SETDB2: variants seen among roughly 807,000 people sequenced by gnomAD.
SETDB2 encodes histone-lysine N-methyltransferase SETDB2.
In SETDB2, 56 loss-of-function variants were observed where a neutral mutation model predicts 82.5. That is an observed-to-expected ratio of 0.68 (90% confidence interval 0.55 to 0.85). The LOEUF is 0.85. Ranked by LOEUF, SETDB2 falls within the 40% of genes least tolerant of loss-of-function variation. The probability of loss-of-function intolerance (pLI) is 0.00; values close to 1 mark genes in which losing one functional copy is unlikely to be tolerated. For synonymous variants in SETDB2, 272 were observed against 284.9 expected (o/e 0.95, Z 0.46); for missense variants, 677 against 816.4 (o/e 0.83, Z 2.08).
chr13:49,446,667 G>C (rs1957696477), intron 1 of SETDB2, among the ~76,000 whole-genome samples: 1 of 152,094 alleles, frequency 6.6e-6, no homozygotes, highest in Non-Finnish European at 1.5e-5. Context: ...TAGTGTTCCA[G>C]TGTATGACTG....
chr13:49,488,574 G>C lies in SETDB2; in HGVS notation c.1861G>C (p.Gly621Arg), dbSNP rs765968103. ...SSDSLTKFNKGNVFLLDATKE... is the reference protein window; with the variant it reads ...SSDSLTKFNKRNVFLLDATKE... ...TGATTCTCTAACAAAGTTCAATAAA[G>C]GGAATGTGTTTTTATTGGATGCCAC... Residue 621 changes from glycine to arginine, a missense_variant, in exon 12 of 14, where the codon GGG (glycine) becomes CGG (arginine). Around this residue, in one of 3 missense-constraint regions of SETDB2, gnomAD observed 420 missense variants for 554.6 expected, o/e 0.76. Transcript: ENST00000611815. 15 of 1,611,038 alleles carry C rather than the reference G, an allele frequency of 9.3e-6. No homozygotes were observed. The highest frequency in any genetic ancestry group is 1.3e-5 in the Non-Finnish European group (15 of 1,179,044).
chr13:49,480,133 T>C, intron 6 of SETDB2, 86 bp from the exon 7 acceptor site: 1 of 821,950 alleles, frequency 1.2e-6, no homozygotes, highest in South Asian at 1.8e-5. Flanking sequence ...CATCTTTTAT[T>C]ACATCATTTA....
At chr13:49,491,638 G>C in intron 13 of SETDB2, 94 bp from the exon 14 acceptor site, 1 of 815,944 alleles carries the variant, frequency 1.2e-6, no homozygotes, top group Non-Finnish European at 2.1e-6. Context: ...ATATTTTTGA[G>C]GATGGTTAAT....
Position 49,476,902 on chromosome 13 carries a change from T to C in SETDB2, c.732T>C (p.Ser244=), listed in dbSNP as rs1386557117. 3 of 1,614,232 alleles carry C rather than the reference T, an allele frequency of 1.9e-6. No homozygotes were observed. The highest frequency in any genetic ancestry group is 2.5e-6 in the Non-Finnish European group (3 of 1,180,044). ...ATGGAGTGGAATCAGTGCCCATTTC[T>C]TTCTGTAATGAAATTGACAGTAGAA... ...ISNGVESVPI[S]FCNEIDSRKL... Residue 244 remains serine, a synonymous_variant, in exon 6 of 14, where the codon TCT becomes TCC. Coordinates refer to ENST00000611815, the MANE Select transcript of SETDB2 (RefSeq NM_001160308.3).
At chr13:49,471,934 ATTTTT>A (rs35468680) in intron 5 of SETDB2, among the ~76,000 whole-genome samples, 31 of 119,218 alleles carry the variant, frequency 2.6e-4, no homozygotes, top group Non-Finnish European at 3.1e-4. Context: ...ATATATATAT[ATTTTT>A]TTTTTTTTTT....
chr13:49,445,305 T>TA (rs1254385760), intron 1 of SETDB2, among the ~76,000 whole-genome samples: 1 of 152,226 alleles, frequency 6.6e-6, no homozygotes, highest in Non-Finnish European at 1.5e-5. Context: ...GTTCTGTCGT[T>TA]ACAATTAAAA....
intron 6 of SETDB2, among the ~76,000 whole-genome samples, chr13:49,477,508 A>AC (rs1566170017): frequency 6.6e-6 from 1 of 152,168 alleles, no homozygotes; most frequent in East Asian, 1.9e-4. Context: ...AGGAAAAAAA[A>AC]CCTCTAATTA....
chr13:49,490,500 C>T (rs1393481502), intron 12 of SETDB2, among the ~76,000 whole-genome samples: 1 of 152,090 alleles, frequency 6.6e-6, no homozygotes, highest in East Asian at 1.9e-4. Context: ...GAAACATATA[C>T]AGATGAATCT....
chr13:49,478,239 T>C (rs1484947100), intron 6 of SETDB2, among the ~76,000 whole-genome samples: 1 of 152,206 alleles, frequency 6.6e-6, no homozygotes, highest in East Asian at 1.9e-4. Context: ...TTTAAAAATA[T>C]GTATTTTATT....
chr13:49,481,448 C>A (rs899662620), intron 8 of SETDB2, among the ~76,000 whole-genome samples: 1 of 151,364 alleles, frequency 6.6e-6, no homozygotes, highest in African/African-American at 2.4e-5. Flanking sequence ...AAAAAAAAAA[C>A]TAAATGACTG....
Position 49,491,797 on chromosome 13 carries a change from A to C in SETDB2, c.2072A>C (p.Lys691Thr). 6.2e-7 allele frequency: 1 copy of C among 1,613,400 alleles called. No homozygotes were observed. Reference protein sequence around the residue: ...YGYEAGTVPEKEIFCQCGVNK... With the variant: ...YGYEAGTVPETEIFCQCGVNK... The stretch of plus-strand genomic sequence containing the variant: ...TATGAAGCTGGGACTGTGCCTGAGA[A>C]GGAAATCTTCTGCCAATGTGGGGTT... Residue 691 changes from lysine (K) to threonine (T), a missense_variant, in exon 14 of 14, where the codon AAG becomes ACG. Physicochemically the swap from Lys to Thr is moderately conservative, Grantham distance 78. Coordinates refer to ENST00000611815, the MANE Select transcript of SETDB2 (RefSeq NM_001160308.3).
At chr13:49,471,913 C>CATATATATAT (rs1232849321) in intron 5 of SETDB2, among the ~76,000 whole-genome samples, 16 of 107,712 alleles carry the variant, frequency 1.5e-4, no homozygotes, top group South Asian at 6.8e-4. Flanking sequence ...TCTCATGTGA[C>CATATATATAT]ATATATATAT....
At chr13:49,475,240 C>G (rs577531533) in intron 5 of SETDB2, among the ~76,000 whole-genome samples, 1 of 152,078 alleles carries the variant, frequency 6.6e-6, no homozygotes, top group Non-Finnish European at 1.5e-5. Flanking sequence ...GAGAACAGCA[C>G]GGGAAAGACC....
At chr13:49,453,036 C>G (rs748400940) in intron 2 of SETDB2, among the ~76,000 whole-genome samples, 3 of 152,022 alleles carry the variant, frequency 2.0e-5, no homozygotes, top group Non-Finnish European at 2.9e-5. Flanking sequence ...TATAGGTAGC[C>G]CACAGTTAAG....
At chr13:49,483,151 A>C (rs2057414) in intron 9 of SETDB2, among the ~76,000 whole-genome samples, 189 bp downstream of exon 9, 2 of 151,976 alleles carry the variant, frequency 1.3e-5, no homozygotes, top group Non-Finnish European at 2.9e-5. Flanking sequence ...TCAGTGTTCC[A>C]GTTTTGGAAT....
At chr13:49,477,990 C>T (rs1958404518) in intron 6 of SETDB2, among the ~76,000 whole-genome samples, 2 of 152,100 alleles carry the variant, frequency 1.3e-5, no homozygotes, top group African/African-American at 4.8e-5. Context: ...CGTAGGTATA[C>T]AGATGTAGAG....
chr13:49,460,344 A>G, intron 3 of SETDB2, 112 bp downstream of exon 3: 7 of 1,107,348 alleles, frequency 6.3e-6, no homozygotes, highest in Non-Finnish European at 8.7e-6. Flanking sequence ...GGATGTAATT[A>G]CTTTTGAATA....
intron 2 of SETDB2, among the ~76,000 whole-genome samples, chr13:49,457,197 G>C (rs1268912026): frequency 7.3e-6 from 1 of 137,660 alleles, no homozygotes; most frequent in Non-Finnish European, 1.5e-5. Flanking sequence ...TTAGTAGCAT[G>C]TATTGGCATT....
At chr13:49,462,793 A>G (rs879793903) in intron 4 of SETDB2, among the ~76,000 whole-genome samples, 18 of 152,228 alleles carry the variant, frequency 1.2e-4, no homozygotes, top group African/African-American at 4.3e-4. Context: ...TAAGTAAACC[A>G]TTTGGTATTC....
Sources: gnomAD v4.1 joint callset for allele counts (sites outside exome capture counted in the v4.1 genomes callset) on GRCh38, gnomAD v4.1.1 for gene constraint, gnomAD v4.1.1 regional missense constraint, MANE v1.5 for transcripts, NCBI Gene and HGNC (gene_info 2026-07-23, HGNC 2026-07-21) for gene names.